Variants in KLRK1 observed in about 807,000 individuals in gnomAD.
KLRK1 encodes the protein killer cell lectin like receptor K1, also known as NKG2-D type II integral membrane protein.
Under a neutral mutation model 31.3 loss-of-function variants are expected in KLRK1, and 40 were observed. The observed-to-expected ratio is 1.28, with a 90% confidence interval of 0.99 to 1.67. The LOEUF (loss-of-function observed/expected upper bound fraction) is 1.67, where lower values mean the gene tolerates loss of function less well. KLRK1 is among the 40% of genes most tolerant of loss of function. KLRK1 has a pLI of 0.00. For synonymous variants in KLRK1, 77 were observed against 77.3 expected, an observed-to-expected ratio of 1.00 and a Z score of 0.02; for missense variants, 251 against 260.0, an observed-to-expected ratio of 0.97 and a Z score of 0.24.
chr12:10,378,224 T>A lies in KLRK1; in HGVS notation c.441A>T (p.Lys147Asn), dbSNP rs777003727. The change falls in exon 7 of 8, where the codon AAA becomes AAT. Residue 147 changes from lysine (K) to asparagine (N), a missense_variant. Coordinates refer to ENST00000240618, the MANE Select transcript of KLRK1 (RefSeq NM_007360.4). Reference sequence around the variant, plus strand: ...CCATCCAATGATATGACTTCACCAGTTTAAGTAAATCCTGTTTGAAACCAC... The same window carrying A: ...CCATCCAATGATATGACTTCACCAGATTAAGTAAATCCTGTTTGAAACCAC... ...VYSKEDQDLL[K>N]LVKSYHWMGL... 8.7e-6 allele frequency: 14 copies of A among 1,612,062 alleles called. No homozygotes were observed. The highest frequency in any genetic ancestry group is 1.2e-5 in the Non-Finnish European group (14 of 1,179,568).
intron 2 of KLRK1, among the ~76,000 whole-genome samples, chr12:10,388,251 C>T (rs1345784794): frequency 6.6e-6 from 1 of 151,832 alleles, no homozygotes; most frequent in East Asian, 1.9e-4. Context: ...CTAGAGATGG[C>T]CAAAATCATA....
In KLRK1 at chr12:10,378,227, A is replaced by C. The variant is rs1863001427; in HGVS notation, c.438T>G (p.Leu146=). 6.2e-7 allele frequency: 1 copy of C among 1,611,564 alleles called. No individual in the cohort carries two copies. The highest frequency in any genetic ancestry group is 8.5e-7 in the Non-Finnish European group (1 of 1,179,398). The change falls in exon 7 of 8, where the codon CTT becomes CTG. Residue 146 remains leucine, a synonymous_variant. Coordinates refer to ENST00000240618, the MANE Select transcript of KLRK1 (RefSeq NM_007360.4). ...TCCAATGATATGACTTCACCAGTTT[A>C]AGTAAATCCTGTTTGAAACCACAAA... ...KVYSKEDQDL[L]KLVKSYHWMG... is the part of the protein sequence containing the mutation.
chr12:10,375,673 C>A (rs59969388), intron 7 of KLRK1, among the ~76,000 whole-genome samples: 1 of 152,108 alleles, frequency 6.6e-6, no homozygotes, highest in Non-Finnish European at 1.5e-5. Context: ...AAAGGAAAAG[C>A]AGTAGTGACA....
chr12:10,379,403 A>C, intron 5 of KLRK1, 44 bp downstream of exon 5: 1 of 1,212,420 alleles, frequency 8.2e-7, no homozygotes, highest in Non-Finnish European at 1.2e-6. Flanking sequence ...ATGTAGGTAG[A>C]TACATATAAT....
At position 10,386,859 on chromosome 12, in the gene KLRK1, C is replaced by G. The variant is rs371740966; in HGVS notation, c.148+44G>C. ...ATTTAATCACATAGTTTCCAAGATT[C>G]ATTTCAATATACTGAGAGTAGACAA... is the stretch of plus-strand genomic sequence containing the variant. On this transcript the variant is annotated intron_variant, in intron 3 of 7. Coordinates refer to ENST00000240618, the MANE Select transcript of KLRK1 (RefSeq NM_007360.4). 3.4e-6 allele frequency: 5 copies of G among 1,477,360 alleles called. No homozygotes were observed. In the African/African-American group the frequency reaches 7.1e-5, roughly 21 times the overall value. 91.5% of individuals were successfully genotyped at this position (1,477,360 alleles called of 1,614,324 possible). A position where few individuals can be genotyped will look rare whatever the true frequency, so the allele number is the denominator to read the frequency against.
Position 10,388,789 on chromosome 12 carries a change from T to G in KLRK1, c.22A>C (p.Arg8=). 1 of 1,613,942 alleles carries G rather than the reference T, an allele frequency of 6.2e-7. No individual in the cohort carries two copies. The highest frequency in any genetic ancestry group is 8.5e-7 in the Non-Finnish European group (1 of 1,179,950). The change falls in exon 2 of 8, where the codon AGG becomes CGG. Residue 8 remains arginine, a synonymous_variant. Coordinates refer to ENST00000240618, the MANE Select transcript of KLRK1 (RefSeq NM_007360.4). MGWIRGR[R]SRHSWEMSEF... ...AACATACCCCAGCTGTGTCGAGACC[T>G]CCGACCACGAATCCACCCCATCAAA...
intron 7 of KLRK1, among the ~76,000 whole-genome samples, chr12:10,377,025 C>G (rs997893712): frequency 1.3e-5 from 2 of 152,064 alleles, no homozygotes. Flanking sequence ...CTGCATTGGC[C>G]AGGTTGGTCT....
intron 3 of KLRK1, 27 bp downstream of exon 3, chr12:10,386,876 A>C (rs754479520): frequency 1.3e-6 from 2 of 1,571,128 alleles, no homozygotes; most frequent in South Asian, 1.1e-5. Context: ...ATATACTGAG[A>C]GTAGACAAAT....
chr12:10,385,655 A>G (rs570154692), intron 3 of KLRK1, among the ~76,000 whole-genome samples: 1 of 152,156 alleles, frequency 6.6e-6, no homozygotes, highest in East Asian at 1.9e-4. Flanking sequence ...TGAATACAAA[A>G]TTACAGCTAC....
Position 10,388,768 on chromosome 12 carries a change from T to A in KLRK1, c.40+3A>T, listed in dbSNP as rs1244339413. The A allele has an allele frequency of 6.2e-7, 1 of 1,613,888 alleles. No individual in the cohort carries two copies. The highest frequency in any genetic ancestry group is 1.7e-5 in the Admixed American group (1 of 60,000). On this transcript the variant is annotated splice_donor_region_variant and intron_variant, in intron 2 of 7. Transcript: ENST00000240618. ...ACTACACACTTATGTGGTAAAAACATACCCCAGCTGTGTCGAGACCTCCGA... is the reference window on the plus strand; with the variant it reads ...ACTACACACTTATGTGGTAAAAACAAACCCCAGCTGTGTCGAGACCTCCGA...
Position 10,378,220 on chromosome 12 carries a change from C to A in KLRK1, c.445G>T (p.Val149Leu). The change falls in exon 7 of 8, where the codon GTG becomes TTG. Residue 149 changes from valine to leucine, a missense_variant. Transcript: ENST00000240618. ...AGTCCCATCCAATGATATGACTTCA[C>A]CAGTTTAAGTAAATCCTGTTTGAAA... Reference protein sequence around the residue: ...SKEDQDLLKLVKSYHWMGLVH... With the variant: ...SKEDQDLLKLLKSYHWMGLVH... 3.1e-6 allele frequency: 5 copies of A among 1,612,774 alleles called. No individual in the cohort carries two copies. Among genetic ancestry groups the A allele is most frequent in the Non-Finnish European group, 4.2e-6 (5 of 1,179,684 alleles).
intron 1 of KLRK1, among the ~76,000 whole-genome samples, chr12:10,389,277 A>G (rs1863230017): frequency 6.6e-6 from 1 of 152,166 alleles, no homozygotes; most frequent in African/African-American, 2.4e-5. Context: ...TCTTTCTGCA[A>G]GCTAAACTCA....
intron 5 of KLRK1, 77 bp from the exon 6 acceptor site, chr12:10,378,782 C>A: frequency 6.9e-7 from 1 of 1,445,998 alleles, no homozygotes; most frequent in Non-Finnish European, 9.2e-7. Context: ...AATTAAATGC[C>A]TTTTTCACTC....
chr12:10,386,088 T>C (rs1458694727), intron 3 of KLRK1, among the ~76,000 whole-genome samples: 1 of 151,840 alleles, frequency 6.6e-6, no homozygotes, highest in East Asian at 1.9e-4. Context: ...CACTGACAAC[T>C]CTGGACAGAT....
Position 10,379,465 on chromosome 12 carries a change from C to T in KLRK1, c.259G>A (p.Val87Ile). The T allele has an allele frequency of 6.8e-7, 1 of 1,474,932 alleles. No homozygotes were observed. Among genetic ancestry groups the T allele is most frequent in the Non-Finnish European group, 9.3e-7 (1 of 1,075,222 alleles). 91.4% of individuals were successfully genotyped at this position (1,474,932 alleles called of 1,614,324 possible). A position where few individuals can be genotyped will look rare whatever the true frequency, so the allele number is the denominator to read the frequency against. Residue 87 changes from valine (V) to isoleucine (I), a missense_variant, in exon 5 of 8, where the codon GTT (valine) becomes ATT (isoleucine). By Grantham distance (29) the Val-to-Ile change is conservative (BLOSUM62 3). Transcript: ENST00000240618. ...VFLNSLFNQE[V>I]QIPLTESYCG... ...CACTTACCGGTCAAGGGAATTTGAA[C>T]TTCTTGGTTGAATAATGCTATTAAA...
At chr12:10,384,824 A>G (rs1430554568) in intron 3 of KLRK1, among the ~76,000 whole-genome samples, 1 of 152,140 alleles carries the variant, frequency 6.6e-6, no homozygotes, top group Non-Finnish European at 1.5e-5. Context: ...GTAGAATAAG[A>G]GAAAATACTC....
intron 7 of KLRK1, among the ~76,000 whole-genome samples, chr12:10,375,461 A>G (rs1862946954): frequency 6.6e-6 from 1 of 152,198 alleles, no homozygotes; most frequent in Admixed American, 6.5e-5. Context: ...TATTTAATGA[A>G]AGGATACATT....
chr12:10,388,669 CAG>C (rs1863212128), intron 2 of KLRK1, 100 bp downstream of exon 2: 1 of 1,261,572 alleles, frequency 7.9e-7, no homozygotes, highest in South Asian at 1.3e-5. Flanking sequence ...TGAAAAGAAT[CAG>C]AGTAAATTGC....
At chr12:10,378,490 T>A in intron 6 of KLRK1, 64 bp downstream of exon 6, 1 of 1,590,264 alleles carries the variant, frequency 6.3e-7, no homozygotes, top group Non-Finnish European at 8.5e-7. Context: ...AGGTTCATAT[T>A]CCAGTGAGTT....
Sources: gnomAD v4.1 joint callset for allele counts (sites outside exome capture counted in the v4.1 genomes callset) on GRCh38, gnomAD v4.1.1 for gene constraint, MANE v1.5 for transcripts, NCBI Gene and HGNC (gene_info 2026-07-23, HGNC 2026-07-21) for gene names.